The following SOD2 variants were observed in gnomAD, a reference collection of about 807,000 sequenced individuals.
SOD2 encodes the protein superoxide dismutase [Mn], mitochondrial.
In SOD2, 11 loss-of-function variants were observed where a neutral mutation model predicts 27.0. The observed-to-expected ratio is 0.41, with a 90% confidence interval of 0.26 to 0.67. The LOEUF is 0.67. SOD2 is among the 30% of genes least tolerant of loss of function. The pLI is 0.34. For synonymous variants in SOD2, 105 were observed against 103.0 expected (o/e 1.02, Z -0.12); for missense variants, 250 against 274.5 (o/e 0.91, Z 0.63).
chr6:159,710,773 TAACCACCACTCAGC>T (rs1562436401), intron 1 of SOD2, among the ~76,000 whole-genome samples: 4 of 150,062 alleles, frequency 2.7e-5, no homozygotes, highest in African/African-American at 9.9e-5. Flanking sequence ...CTGACCTCCA[TAACCACCACTCAGC>T]TGCTCTGACC....
At chr6:159,738,093 T>C (rs1390000863) in intron 1 of SOD2, among the ~76,000 whole-genome samples, 2 of 152,252 alleles carry the variant, frequency 1.3e-5, no homozygotes, top group African/African-American at 4.8e-5. Flanking sequence ...TTTCACGTTA[T>C]ACTAGCACTG....
upstream of SOD2, among the ~76,000 whole-genome samples, chr6:159,695,792 C>A (rs1255842557): frequency 6.6e-6 from 1 of 152,176 alleles, no homozygotes; most frequent in African/African-American, 2.4e-5. Flanking sequence ...AGCCACCACA[C>A]CTGGCTGCCT....
intron 1 of SOD2, among the ~76,000 whole-genome samples, chr6:159,701,212 G>A (rs1466053192): frequency 6.6e-6 from 1 of 152,190 alleles, no homozygotes; most frequent in African/African-American, 2.4e-5. Context: ...CGCTAGAGAA[G>A]GCACCTGCCA....
At chr6:159,740,360 T>A (rs986325288) in intron 1 of SOD2, among the ~76,000 whole-genome samples, 7 of 152,226 alleles carry the variant, frequency 4.6e-5, no homozygotes, top group African/African-American at 1.7e-4. Flanking sequence ...CAGTTTAACA[T>A]CTTTCCTTAG....
chr6:159,713,893 A>G lies in SOD2; in HGVS notation c.-116+13236T>C, dbSNP rs1229238468. On this transcript the variant is annotated intron_variant, in intron 1 of 2. Transcript: ENST00000401980. Reference sequence around the variant, plus strand: ...CTGATGTGCCATTTTGTATTTTGCAATCAGAGAAGTGCATCACTTCATCAG... The same window carrying G: ...CTGATGTGCCATTTTGTATTTTGCAGTCAGAGAAGTGCATCACTTCATCAG... 16 of 960,578 alleles carry G rather than the reference A, an allele frequency of 1.7e-5. No individual in the cohort carries two copies. In the South Asian group the frequency reaches 1.9e-4, roughly 11 times the overall value. 59.5% of individuals were successfully genotyped at this position (960,578 alleles called of 1,614,324 possible). A position where few individuals can be genotyped will look rare whatever the true frequency, so the allele number is the denominator to read the frequency against.
rs190328119 is a variant in SOD2, at chr6:159,713,947, C to G, written c.-116+13182G>C. The G allele has an allele frequency of 1.8e-5, 15 of 850,274 alleles. No homozygotes were observed. The East Asian group carries it at 3.6e-4, about 20-fold the overall frequency. 52.7% of individuals were successfully genotyped at this position (850,274 alleles called of 1,614,324 possible). ...AGCAGGACCAGGATAGGCCCTGGAC[C>G]TTCACCACGAACCCCTCCCTGCCTT... On this transcript the variant is annotated intron_variant, in intron 1 of 2. Transcript: ENST00000401980.
At chr6:159,705,946 G>A (rs1475612096) in intron 1 of SOD2, among the ~76,000 whole-genome samples, 8 of 152,174 alleles carry the variant, frequency 5.3e-5, no homozygotes, top group Admixed American at 5.2e-4. Context: ...AGCCAGAAGA[G>A]AGTGGGGGCC....
intron 1 of SOD2, among the ~76,000 whole-genome samples, chr6:159,700,428 G>C (rs935789004): frequency 6.6e-6 from 1 of 152,172 alleles, no homozygotes; most frequent in African/African-American, 2.4e-5. Flanking sequence ...GCCGAGGTGG[G>C]TGGATCACAA....
rs534715127 is a variant in SOD2, at chr6:159,689,961, G to GAAA, written c.227-1722_227-1720dup. ...GGCGACAGGGCAATACTCCGTCACA[G>GAAA]AAAAAAAAAAAGAAAGAGAAAGAAA... On this transcript the variant is annotated intron_variant, in intron 2 of 4. Coordinates refer to ENST00000538183, the MANE Select transcript of SOD2 (RefSeq NM_000636.4). 8.0e-5 allele frequency among the ~76,000 whole-genome samples: 11 copies of GAAA among 137,086 alleles called. No homozygotes were observed. The East Asian group carries it at 1.9e-3, about 24-fold the overall frequency. The allele number at this position is 137,086 out of a possible 152,430, so 89.9% of individuals were successfully genotyped here.
At chr6:159,758,006 TTGA>T (rs1053635505) in intron 1 of SOD2, among the ~76,000 whole-genome samples, 3 of 152,222 alleles carry the variant, frequency 2.0e-5, no homozygotes, top group Non-Finnish European at 4.4e-5. Flanking sequence ...TGAGTCTGCC[TTGA>T]TGAATAACTC....
In SOD2 at chr6:159,674,893, G is replaced by C. The variant is rs914025923; in HGVS notation, c.*7600C>G. On this transcript the variant is annotated 3_prime_UTR_variant, in exon 5 of 5. Coordinates refer to ENST00000538183, the MANE Select transcript of SOD2 (RefSeq NM_000636.4). ...CTCCTTAATTTGATAAGCAACTTCA[G>C]CAAAATCTCAGGATACAAAATCAAT... 2.0e-5 allele frequency: 3 copies of C among 152,202 alleles called. No homozygotes were observed. Among genetic ancestry groups the C allele is most frequent in the African/African-American group, 7.2e-5 (3 of 41,444 alleles). 9.4% of individuals were successfully genotyped at this position (152,202 alleles called of 1,614,324 possible).
At chr6:159,735,905 G>T (rs930571032) in intron 1 of SOD2, among the ~76,000 whole-genome samples, 1 of 152,046 alleles carries the variant, frequency 6.6e-6, no homozygotes, top group Non-Finnish European at 1.5e-5. Flanking sequence ...AGCAACATGC[G>T]TAGGATACTA....
chr6:159,759,121 G>A (rs947543520), intron 1 of SOD2, among the ~76,000 whole-genome samples: 4 of 149,926 alleles, frequency 2.7e-5, no homozygotes, highest in Admixed American at 6.6e-5. Context: ...GTACAATGGT[G>A]CAATCTCGGC....
At position 159,672,903 on chromosome 6, in the gene SOD2, T is replaced by G. The variant is rs1330584560; in HGVS notation, c.*9590A>C. On this transcript the variant is annotated 3_prime_UTR_variant, in exon 5 of 5. Transcript: ENST00000538183. The stretch of plus-strand genomic sequence containing the variant: ...CTCAAAATAAAAGGATGGAGGAAGA[T>G]CTACCAAGCAAACGGAAAACAAAAA... The G allele has an allele frequency of 6.6e-6, 1 of 151,322 alleles. No homozygotes were observed. The highest frequency in any genetic ancestry group is 2.4e-5 in the African/African-American group (1 of 41,076). The allele number at this position is 151,322 out of a possible 1,614,324, so 9.4% of individuals were successfully genotyped here.
upstream of SOD2, among the ~76,000 whole-genome samples, chr6:159,693,938 C>T (rs1355547010): frequency 6.6e-6 from 1 of 152,234 alleles, no homozygotes; most frequent in Non-Finnish European, 1.5e-5. Flanking sequence ...ACACCCACGA[C>T]GTGCCCGAGA....
rs149702769 is a variant in SOD2 at position 159,709,266 on chromosome 6, G to A, written c.-115-16403C>T. Among the ~76,000 whole-genome samples, 1,255 of 152,204 alleles carry A rather than the reference G, an allele frequency of 8.2e-3. 18 individuals are homozygous for A. The highest frequency in any genetic ancestry group is 0.029 in the African/African-American group (1,187 of 41,512). ...GCAACAAAAGCCAAAATTGACAGAT[G>A]GGATCTAATTAACCTAAAGAGCTTC... On this transcript the variant is annotated intron_variant, in intron 1 of 2. Transcript: ENST00000401980.
intron 1 of SOD2, among the ~76,000 whole-genome samples, chr6:159,734,644 C>T (rs1193449085): frequency 5.9e-5 from 9 of 152,020 alleles, no homozygotes; most frequent in Admixed American, 5.9e-4. Flanking sequence ...GTCCCCATCT[C>T]TTAAGAAAGA....
intron 1 of SOD2, among the ~76,000 whole-genome samples, chr6:159,723,181 T>G (rs1387205634): frequency 6.6e-6 from 1 of 152,240 alleles, no homozygotes; most frequent in Admixed American, 6.5e-5. Flanking sequence ...CAATCGACTT[T>G]GCTTTTCTCA....
intron 1 of SOD2, among the ~76,000 whole-genome samples, chr6:159,698,311 A>G (rs980690881): frequency 6.6e-6 from 1 of 151,616 alleles, no homozygotes; most frequent in Admixed American, 6.6e-5. Context: ...CAAAACAAAA[A>G]AAACACTTGA....
Sources: allele counts gnomAD v4.1 joint callset (sites outside exome capture counted in the v4.1 genomes callset), GRCh38; gene constraint gnomAD v4.1.1; transcripts MANE v1.5; gene names NCBI Gene and HGNC (gene_info 2026-07-23, HGNC 2026-07-21).